ACOT1: variants seen among roughly 807,000 people sequenced by gnomAD.
ACOT1 encodes the protein acyl-CoA thioesterase 1, also known as acyl-coenzyme A thioesterase 1.
ACOT1 carries 8 observed loss-of-function variants against 15.7 expected under a neutral mutation model. That is an observed-to-expected ratio of 0.51 (90% CI 0.30 to 0.92). The LOEUF (loss-of-function observed/expected upper bound fraction) is 0.92. Ranked by LOEUF, ACOT1 falls within the 40% of genes least tolerant of loss-of-function variation. The pLI, the probability that ACOT1 is intolerant of heterozygous loss-of-function variation, is 0.06. For missense variants in ACOT1, 151 were observed against 539.4 expected, an observed-to-expected ratio of 0.28 and a Z score of 7.13; for synonymous variants, 67 against 241.2, an observed-to-expected ratio of 0.28 and a Z score of 6.69.
chr14:73,499,408 A>G, the ACOT1 span, among the ~76,000 whole-genome samples: 1 of 152,144 alleles, frequency 6.6e-6, no homozygotes, highest in Non-Finnish European at 1.5e-5. Flanking sequence ...TGGACCTGGG[A>G]GGCGGAGGTT....
At chr14:73,510,263 G>A in the ACOT1 span, among the ~76,000 whole-genome samples, 75 of 151,980 alleles carry the variant, frequency 4.9e-4, no homozygotes, top group African/African-American at 1.8e-3. Flanking sequence ...ATTAGGCAAG[G>A]TAGGTATCAT....
At chr14:73,500,161 C>T in the ACOT1 span, among the ~76,000 whole-genome samples, 3 of 152,110 alleles carry the variant, frequency 2.0e-5, no homozygotes, top group African/African-American at 7.2e-5. Flanking sequence ...ACCTGGGAGG[C>T]GGAGCTTGCA....
chr14:73,529,500 G>A, the ACOT1 span, among the ~76,000 whole-genome samples: 1 of 152,062 alleles, frequency 6.6e-6, no homozygotes, highest in African/African-American at 2.4e-5. Context: ...TAGGCTACAT[G>A]CCTCTAGTTA....
Position 73,543,051 on chromosome 14 carries a change from TA to T in ACOT1, c.666del (p.Gly223ValfsTer23). The T allele has an allele frequency of 6.9e-7, 1 of 1,440,808 alleles. No individual in the cohort carries two copies. Among genetic ancestry groups the T allele is most frequent in the Non-Finnish European group, 9.5e-7 (1 of 1,054,262 alleles). The allele number at this position is 1,440,808 out of a possible 1,614,324, so 89.3% of individuals were successfully genotyped here. A position where few individuals can be genotyped will look rare whatever the true frequency, so the allele number is the denominator to read the frequency against. On this transcript the variant is annotated frameshift_variant and splice_region_variant, in exon 3 of 3. Transcript: ENST00000311148. LOFTEE classifies it low-confidence loss of function (END_TRUNC). ...CTTTTTCCTTTGTCCCTTTCTCAGG[TA>T]AAAGGTCCAGGAGTTGGGCTGCTTG... ...AVNYLLSHPE[V>X]KGPGVGLLGI...
the ACOT1 span, chr14:73,491,144 C>CT: frequency 6.2e-7 from 1 of 1,607,826 alleles, no homozygotes; most frequent in African/African-American, 1.3e-5. Flanking sequence ...ACGAAAGCAG[C>CT]TGCGAAGTGT....
the ACOT1 span, among the ~76,000 whole-genome samples, chr14:73,524,916 A>G: frequency 1.3e-5 from 2 of 152,160 alleles, no homozygotes; most frequent in Non-Finnish European, 2.9e-5. Flanking sequence ...AACACCCAGC[A>G]CATAGCCTCT....
the ACOT1 span, among the ~76,000 whole-genome samples, chr14:73,526,449 A>T: frequency 6.6e-6 from 1 of 152,194 alleles, no homozygotes; most frequent in Non-Finnish European, 1.5e-5. Flanking sequence ...ACCGCGTGTG[A>T]CACCAACTGT....
chr14:73,536,009 CT>C (rs148429046), upstream of ACOT1, among the ~76,000 whole-genome samples: 1,867 of 116,118 alleles, frequency 0.016, 363 homozygotes, highest in African/African-American at 0.05. Context: ...TATTTACCTT[CT>C]TTAGTTCCTG....
At chr14:73,526,138 A>C in the ACOT1 span, among the ~76,000 whole-genome samples, 1 of 152,262 alleles carries the variant, frequency 6.6e-6, no homozygotes, top group East Asian at 1.9e-4. Context: ...CATGTGGTGG[A>C]GCGAGAGGAG....
the ACOT1 span, among the ~76,000 whole-genome samples, chr14:73,497,853 C>T: frequency 2.6e-5 from 4 of 151,698 alleles, no homozygotes; most frequent in Non-Finnish European, 5.9e-5. Context: ...CTCAAACTCC[C>T]GACCTCAGGT....
chr14:73,500,745 T>A, the ACOT1 span: 1 of 1,608,902 alleles, frequency 6.2e-7, no homozygotes, highest in African/African-American at 1.3e-5. Context: ...AAGGCACAAG[T>A]TGCTTTCCTT....
the ACOT1 span, chr14:73,493,093 C>G: frequency 1.2e-6 from 2 of 1,611,246 alleles, no homozygotes; most frequent in South Asian, 1.1e-5. Flanking sequence ...TGTCACAAAC[C>G]TCGGAAGGTC....
the ACOT1 span, chr14:73,493,169 C>T: frequency 2.6e-6 from 4 of 1,529,996 alleles, no homozygotes; most frequent in African/African-American, 2.7e-5. Context: ...GAAAAAAAAC[C>T]CTTGATCCGT....
chr14:73,491,419 G>C, the ACOT1 span: 1 of 1,348,730 alleles, frequency 7.4e-7, no homozygotes, highest in Non-Finnish European at 9.4e-7. Context: ...GCCTGGTGGA[G>C]GTGCCCGCCG....
chr14:73,521,043 G>T, the ACOT1 span: 1 of 1,612,394 alleles, frequency 6.2e-7, no homozygotes, highest in Non-Finnish European at 8.5e-7. Context: ...GGGCAATCTT[G>T]GCAGGGGTGA....
chr14:73,527,398 C>T, the ACOT1 span: 1 of 151,702 alleles, frequency 6.6e-6, no homozygotes, highest in Non-Finnish European at 1.5e-5. Context: ...GAAGCTCAAA[C>T]TTCGAGATAA....
At chr14:73,520,793 T>G in the ACOT1 span, 1 of 1,490,416 alleles carries the variant, frequency 6.7e-7, no homozygotes. Context: ...CCCAGCAATC[T>G]TCCACCTTCC....
the ACOT1 span, chr14:73,519,239 G>A: frequency 2.7e-6 from 4 of 1,459,436 alleles, no homozygotes; most frequent in South Asian, 2.8e-5. Flanking sequence ...TAATCACCAG[G>A]ATCAGACCCA....
intron 1 of ACOT1, among the ~76,000 whole-genome samples, chr14:73,540,742 CTTT>C (rs200357086): frequency 1.2e-4 from 10 of 81,184 alleles, no homozygotes; most frequent in East Asian, 8.0e-4. Context: ...TGTTTGCATT[CTTT>C]TTTTTTTTTT....
Sources: gnomAD v4.1 joint callset for allele counts (sites outside exome capture counted in the v4.1 genomes callset) on GRCh38, gnomAD v4.1.1 for gene constraint, MANE v1.5 for transcripts, NCBI Gene and HGNC (gene_info 2026-07-23, HGNC 2026-07-21) for gene names.